Variants in PDZK1IP1 observed in about 807,000 individuals in gnomAD.
The protein encoded by PDZK1IP1 is PDZK1-interacting protein 1.
A neutral mutation model predicts 14.7 loss-of-function variants in PDZK1IP1; 9 were observed. That is an observed-to-expected ratio of 0.61 (90% confidence interval 0.37 to 1.07). PDZK1IP1 has a LOEUF of 1.07. Among genes scored for constraint, PDZK1IP1 ranks in the 50% least tolerant of loss-of-function variants. The pLI is 0.01. For missense variants in PDZK1IP1, 152 were observed against 148.7 expected, an observed-to-expected ratio of 1.02 and a Z score of -0.11; for synonymous variants, 70 against 61.2, an observed-to-expected ratio of 1.14 and a Z score of -0.67.
intron 2 of PDZK1IP1, 127 bp from the exon 3 acceptor site, chr1:47,185,224 A>T (rs1306615273): frequency 1.4e-6 from 1 of 714,648 alleles, no homozygotes; most frequent in Non-Finnish European, 2.5e-6. Context: ...TGTGTGCAAC[A>T]GGGCATGTCA....
chr1:47,187,623 G>A (rs542085854), intron 1 of PDZK1IP1, among the ~76,000 whole-genome samples, 196 bp from the exon 2 acceptor site: 3 of 152,344 alleles, frequency 2.0e-5, no homozygotes, highest in Admixed American at 6.5e-5. Flanking sequence ...AAGCTCCACC[G>A]AGCTTAGGAA....
chr1:47,184,471 C>CTCCCACTGAGTCCAA (rs1557660476), intron 3 of PDZK1IP1, among the ~76,000 whole-genome samples: 4 of 26,084 alleles, frequency 1.5e-4, no homozygotes, highest in Non-Finnish European at 2.7e-4. Flanking sequence ...CTGAGTCCAT[C>CTCCCACTGAGTCCAA]CCCCACTGAA....
chr1:47,184,214 C>A (rs1645302017), intron 3 of PDZK1IP1, among the ~76,000 whole-genome samples, 171 bp from the exon 4 acceptor site: 2 of 151,842 alleles, frequency 1.3e-5, no homozygotes, highest in Admixed American at 6.6e-5. Flanking sequence ...CTGGAGGCCT[C>A]TCAGCATCCC....
At chr1:47,187,515 C>T in intron 1 of PDZK1IP1, 88 bp from the exon 2 acceptor site, 1 of 1,051,566 alleles carries the variant, frequency 9.5e-7, no homozygotes, top group Non-Finnish European at 1.4e-6. Context: ...TCAAGGACCC[C>T]ACCTATGCTG....
At chr1:47,185,589 G>T (rs1645314371) in intron 2 of PDZK1IP1, among the ~76,000 whole-genome samples, 2 of 152,196 alleles carry the variant, frequency 1.3e-5, no homozygotes, top group South Asian at 4.2e-4. Context: ...CTCTCATGAG[G>T]GTTACAGGGA....
intron 2 of PDZK1IP1, 120 bp downstream of exon 2, chr1:47,187,199 C>CACAGGGGGAGGA: frequency 1.2e-5 from 1 of 80,568 alleles, no homozygotes; most frequent in Non-Finnish European, 3.5e-5. Flanking sequence ...TTTCCCTTCC[C>CACAGGGGGAGGA]TTGAGCCTCA....
At position 47,183,785 on chromosome 1, in the gene PDZK1IP1, A is replaced by G. The variant is rs1645299200; in HGVS notation, c.*186T>C. 3 of 623,272 alleles carry G rather than the reference A, an allele frequency of 4.8e-6. No homozygotes were observed. Among genetic ancestry groups the G allele is most frequent in the Admixed American group, 2.7e-5 (1 of 37,532 alleles). The allele number at this position is 623,272 out of a possible 1,614,324, so 38.6% of individuals were successfully genotyped here. On this transcript the variant is annotated 3_prime_UTR_variant, in exon 4 of 4. Coordinates refer to ENST00000294338, the MANE Select transcript of PDZK1IP1 (RefSeq NM_005764.4). Reference sequence around the variant, plus strand: ...ACCCCAGGGCCACAGCCGAGCCCCAACCTAGACACGGTCTGAGCTCCAACC... The same window carrying G: ...ACCCCAGGGCCACAGCCGAGCCCCAGCCTAGACACGGTCTGAGCTCCAACC...
intron 2 of PDZK1IP1, 97 bp downstream of exon 2, chr1:47,187,198 CCTTGAGCCTCAGGGGGAGGATTGG>C: frequency 3.6e-5 from 26 of 727,014 alleles, no homozygotes; most frequent in Non-Finnish European, 5.3e-5. Context: ...GTTTCCCTTC[CCTTGAGCCTCAGGGGGAGGATTGG>C]ACACAGGGTT....
At position 47,183,900 on chromosome 1, in the gene PDZK1IP1, G is replaced by C. The variant is rs749446327; in HGVS notation, c.*71C>G. ...TGCAGATTCCACACAAAGAAGGAGG[G>C]GGCTTGGGTGGTAGCACTGGACATC... is the stretch of plus-strand genomic sequence containing the variant. On this transcript the variant is annotated 3_prime_UTR_variant, in exon 4 of 4. Transcript: ENST00000294338. 7.1e-5 allele frequency: 89 copies of C among 1,262,012 alleles called. No homozygotes were observed. The Middle Eastern group carries it at 7.5e-4, about 11-fold the overall frequency. 78.2% of individuals were successfully genotyped at this position (1,262,012 alleles called of 1,614,324 possible).
chr1:47,185,648 T>A (rs1645314645), intron 2 of PDZK1IP1, among the ~76,000 whole-genome samples: 1 of 152,148 alleles, frequency 6.6e-6, no homozygotes, highest in Non-Finnish European at 1.5e-5. Flanking sequence ...ACCCCAGACT[T>A]AATATGTCTC....
At chr1:47,187,529 G>A (rs1006053709) in intron 1 of PDZK1IP1, 102 bp from the exon 2 acceptor site, 1 of 892,728 alleles carries the variant, frequency 1.1e-6, no homozygotes, top group Non-Finnish European at 1.8e-6. Context: ...TATGCTGAAG[G>A]CCCTCAGCCA....
intron 2 of PDZK1IP1, among the ~76,000 whole-genome samples, 180 bp downstream of exon 2, chr1:47,187,139 A>C (rs1020115474): frequency 6.6e-6 from 1 of 152,166 alleles, no homozygotes; most frequent in Non-Finnish European, 1.5e-5. Context: ...CTAGGCTCTC[A>C]TTCCCTCATC....
intron 1 of PDZK1IP1, among the ~76,000 whole-genome samples, chr1:47,188,377 C>T (rs1199062685): frequency 6.6e-6 from 1 of 152,154 alleles, no homozygotes; most frequent in Non-Finnish European, 1.5e-5. Context: ...GCCTTCAGGC[C>T]TCTGCTTCCC....
intron 2 of PDZK1IP1, 143 bp from the exon 3 acceptor site, chr1:47,185,240 G>C (rs769641898): frequency 3.0e-6 from 2 of 661,266 alleles, no homozygotes; most frequent in Non-Finnish European, 5.5e-6. Context: ...TGTCAGCCGC[G>C]GCTACTGGCC....
At position 47,183,844 on chromosome 1, in the gene PDZK1IP1, G is replaced by A. The variant is rs973747534; in HGVS notation, c.*127C>T. ...CTATACTTCAAGGGCGGGTAGGGCCGGCATGGGGCTGGAGGGAGTCAGCCC... is the reference window on the plus strand; with the variant it reads ...CTATACTTCAAGGGCGGGTAGGGCCAGCATGGGGCTGGAGGGAGTCAGCCC... On this transcript the variant is annotated 3_prime_UTR_variant, in exon 4 of 4. Transcript: ENST00000294338. 2.5e-5 allele frequency: 20 copies of A among 800,284 alleles called. No homozygotes were observed. The highest frequency in any genetic ancestry group is 1.1e-4 in the South Asian group (7 of 61,080). 49.6% of individuals were successfully genotyped at this position (800,284 alleles called of 1,614,324 possible).
At chr1:47,187,169 C>T in intron 2 of PDZK1IP1, 150 bp downstream of exon 2, 1 of 645,182 alleles carries the variant, frequency 1.5e-6, no homozygotes, top group East Asian at 2.8e-5. Flanking sequence ...ACCAACCCAC[C>T]CCATGACCTT....
At position 47,183,702 on chromosome 1, in the gene PDZK1IP1, G is replaced by A. The variant is rs1039957857; in HGVS notation, c.*269C>T. The stretch of plus-strand genomic sequence containing the variant: ...GTTATGGGGAAGGACGTGTGAGCAG[G>A]ATGGGAGGTGCTCAGCTGACTGTCC... On this transcript the variant is annotated 3_prime_UTR_variant, in exon 4 of 4. Coordinates refer to ENST00000294338, the MANE Select transcript of PDZK1IP1 (RefSeq NM_005764.4). The A allele has an allele frequency of 1.9e-6, 1 of 523,526 alleles. No homozygotes were observed. Among genetic ancestry groups the A allele is most frequent in the Non-Finnish European group, 3.4e-6 (1 of 294,398 alleles). The allele number at this position is 523,526 out of a possible 1,614,324, so 32.4% of individuals were successfully genotyped here.
chr1:47,188,852 C>T (rs1645335612), intron 1 of PDZK1IP1, among the ~76,000 whole-genome samples: 1 of 152,272 alleles, frequency 6.6e-6, no homozygotes, highest in Middle Eastern at 3.4e-3. Flanking sequence ...CAGACTGCTC[C>T]CTCAGGTCAG....
At chr1:47,189,114 CAG>C (rs761145441) in intron 1 of PDZK1IP1, among the ~76,000 whole-genome samples, 7 of 139,424 alleles carry the variant, frequency 5.0e-5, no homozygotes, top group Non-Finnish European at 1.1e-4. Context: ...ACCTGGGAGA[CAG>C]AGTTGAAGCA....
Sources: allele counts gnomAD v4.1 joint callset (sites outside exome capture counted in the v4.1 genomes callset), GRCh38; gene constraint gnomAD v4.1.1; transcripts MANE v1.5; gene names NCBI Gene and HGNC (gene_info 2026-07-23, HGNC 2026-07-21).